The following RAP1GAP2 variants were observed in gnomAD, a reference collection of about 807,000 sequenced individuals.
The protein encoded by RAP1GAP2 is rap1 GTPase-activating protein 2.
A neutral mutation model predicts 95.0 loss-of-function variants in RAP1GAP2; 27 were observed. The observed-to-expected ratio is 0.28, with a 90% CI of 0.21 to 0.39. RAP1GAP2 has a LOEUF of 0.39. Ranked by LOEUF, RAP1GAP2 falls within the 10% of genes least tolerant of loss-of-function variation. The pLI, the probability that RAP1GAP2 is intolerant of heterozygous loss-of-function variation, is 1.00. For missense variants in RAP1GAP2, 771 were observed against 970.0 expected (o/e 0.79, Z 2.72); for synonymous variants, 373 against 380.9 (o/e 0.98, Z 0.24).
At chr17:2,788,825 T>G (rs2068852197) in intron 1 of RAP1GAP2, among the ~76,000 whole-genome samples, 1 of 152,182 alleles carries the variant, frequency 6.6e-6, no homozygotes, top group African/African-American at 2.4e-5. Context: ...CTCAGTGGAT[T>G]GGTTGATGCC....
chr17:2,991,210 G>A lies in RAP1GAP2; in HGVS notation c.814-87G>A, dbSNP rs1384066673. On this transcript the variant is annotated intron_variant, in intron 11 of 24. Transcript: ENST00000254695. Reference sequence around the variant, plus strand: ...GGAGACAGGGAGAAAGGAAGAAAGGGACCAGGTACCTGGGCATCCATATTC... The same window carrying A: ...GGAGACAGGGAGAAAGGAAGAAAGGAACCAGGTACCTGGGCATCCATATTC... 3.6e-5 allele frequency: 39 copies of A among 1,074,258 alleles called. No individual in the cohort carries two copies. In the East Asian group the frequency reaches 9.9e-4, roughly 27 times the overall value. The allele number at this position is 1,074,258 out of a possible 1,614,324, so 66.5% of individuals were successfully genotyped here.
At chr17:2,918,497 C>T (rs1268937995) in intron 3 of RAP1GAP2, among the ~76,000 whole-genome samples, 4 of 150,738 alleles carry the variant, frequency 2.7e-5, no homozygotes, top group African/African-American at 4.9e-5. Flanking sequence ...GTACAGGCAG[C>T]AGGATGCTGA....
At chr17:2,773,653 C>A (rs552927316), upstream of RAP1GAP2, among the ~76,000 whole-genome samples, 1 of 151,900 alleles carries the variant, frequency 6.6e-6, no homozygotes, top group Non-Finnish European at 1.5e-5. Context: ...AAGCTGAATT[C>A]CAGGTCCAAG....
At chr17:2,991,222 G>A in intron 11 of RAP1GAP2, 75 bp from the exon 12 acceptor site, 1 of 1,178,216 alleles carries the variant, frequency 8.5e-7, no homozygotes, top group Non-Finnish European at 1.2e-6. Context: ...CCAGGTACCT[G>A]GGCATCCATA....
chr17:3,026,154 G>T (rs372684149), intron 20 of RAP1GAP2, 33 bp downstream of exon 20: 9 of 1,533,528 alleles, frequency 5.9e-6, no homozygotes, highest in Admixed American at 1.7e-5. Context: ...GGCCAGCTTC[G>T]GCCACGTGGA....
chr17:2,762,617 T>A (rs2071276672), intron 1 of RAP1GAP2, among the ~76,000 whole-genome samples: 1 of 151,250 alleles, frequency 6.6e-6, no homozygotes, highest in Non-Finnish European at 1.5e-5. Flanking sequence ...GCCAAGCTGG[T>A]CTCGAACTCC....
intron 3 of RAP1GAP2, among the ~76,000 whole-genome samples, chr17:2,922,520 C>G (rs944296659): frequency 1.3e-5 from 2 of 152,196 alleles, no homozygotes; most frequent in African/African-American, 4.8e-5. Flanking sequence ...TCTGCCAGCA[C>G]CTGCTCTCCT....
At chr17:3,006,681 C>T (rs143002549) in intron 16 of RAP1GAP2, among the ~76,000 whole-genome samples, 371 of 149,792 alleles carry the variant, frequency 2.5e-3, no homozygotes, top group African/African-American at 8.2e-3. Flanking sequence ...GATCCGCCTG[C>T]CTCGGCCTCC....
chr17:2,829,909 C>T (rs2070755200), intron 2 of RAP1GAP2, among the ~76,000 whole-genome samples: 1 of 150,460 alleles, frequency 6.6e-6, no homozygotes, highest in African/African-American at 2.5e-5. Flanking sequence ...GCCTCAGTCT[C>T]TCGAGAGGCT....
intron 2 of RAP1GAP2, among the ~76,000 whole-genome samples, chr17:2,894,871 T>G (rs748544859): frequency 1.3e-3 from 193 of 152,272 alleles, no homozygotes; most frequent in Non-Finnish European, 2.0e-3. Flanking sequence ...GGTCTTCCCC[T>G]GGCCCCTCCC....
rs73294621 is a variant in RAP1GAP2, at chr17:2,916,720, T to C, written c.165+11352T>C. On this transcript the variant is annotated intron_variant, in intron 3 of 24. Transcript: ENST00000254695. ...GCTAGTGGAGCATCTGATACGCAGG[T>C]GCTCCGTGATGGACTGTGACGATGG... Among the ~76,000 whole-genome samples, 524 of 152,292 alleles carry C rather than the reference T, an allele frequency of 3.4e-3. 3 individuals carry two copies. The highest frequency in any genetic ancestry group is 0.012 in the African/African-American group (492 of 41,552).
Position 3,026,067 on chromosome 17 carries a change from A to G in RAP1GAP2, c.1811A>G (p.Lys604Arg). ...GGTGGACACTCCTCTCAGGAGATAAAGTCTGAGACCTCATCCAATCCCAGC... is the reference window on the plus strand; with the variant it reads ...GGTGGACACTCCTCTCAGGAGATAAGGTCTGAGACCTCATCCAATCCCAGC... ...PDGGHSSQEI[K>R]SETSSNPSSP... The change falls in exon 20 of 25, where the codon AAG becomes AGG. Residue 604 changes from lysine (K) to arginine (R), a missense_variant. Physicochemically the swap from Lys to Arg is conservative, Grantham distance 26. Transcript: ENST00000254695. 6.2e-7 allele frequency: 1 copy of G among 1,613,700 alleles called. No homozygotes were observed. Among genetic ancestry groups the G allele is most frequent in the Non-Finnish European group, 8.5e-7 (1 of 1,179,702 alleles).
intron 3 of RAP1GAP2, among the ~76,000 whole-genome samples, chr17:2,920,345 G>A (rs1390336141): frequency 2.0e-5 from 3 of 152,142 alleles, no homozygotes; most frequent in South Asian, 4.1e-4. Context: ...CATTCAGGGC[G>A]TCACCCAGGG....
intron 3 of RAP1GAP2, among the ~76,000 whole-genome samples, chr17:2,956,610 G>A (rs1184877688): frequency 1.5e-4 from 23 of 152,350 alleles, no homozygotes; most frequent in Non-Finnish European, 1.2e-4. Flanking sequence ...ATGACCTCCC[G>A]GCTTCGCGGT....
At chr17:3,014,806 C>G (rs1185210529) in intron 17 of RAP1GAP2, among the ~76,000 whole-genome samples, 1 of 152,154 alleles carries the variant, frequency 6.6e-6, no homozygotes, top group Non-Finnish European at 1.5e-5. Flanking sequence ...ATCCACGTGC[C>G]TCCACTTCCC....
intron 3 of RAP1GAP2, among the ~76,000 whole-genome samples, chr17:2,946,495 A>G (rs2043700651): frequency 6.6e-6 from 1 of 152,122 alleles, no homozygotes; most frequent in African/African-American, 2.4e-5. Context: ...GCCTGAAGTC[A>G]TTGGCATCTT....
At chr17:2,984,205 C>T (rs567143860) in intron 10 of RAP1GAP2, among the ~76,000 whole-genome samples, 10 of 151,972 alleles carry the variant, frequency 6.6e-5, no homozygotes, top group East Asian at 3.9e-4. Flanking sequence ...AAAAATTAGC[C>T]GGTGTGATGG....
intron 3 of RAP1GAP2, among the ~76,000 whole-genome samples, chr17:2,916,724 C>T (rs572017320): frequency 9.2e-5 from 14 of 152,270 alleles, no homozygotes; most frequent in African/African-American, 3.4e-4. Context: ...CGCAGGTGCT[C>T]CGTGATGGAC....
chr17:2,795,766 G>A (rs1597322422), upstream of RAP1GAP2, among the ~76,000 whole-genome samples: 1 of 152,210 alleles, frequency 6.6e-6, no homozygotes, highest in Non-Finnish European at 1.5e-5. Flanking sequence ...AGAAGCGTGT[G>A]CAGGTGTGTC....
Sources: allele counts gnomAD v4.1 joint callset (sites outside exome capture counted in the v4.1 genomes callset), GRCh38; gene constraint gnomAD v4.1.1; transcripts MANE v1.5; gene names NCBI Gene and HGNC (gene_info 2026-07-23, HGNC 2026-07-21).